The following CHST12 variants were observed in gnomAD, a reference collection of about 807,000 sequenced individuals.
CHST12 encodes carbohydrate sulfotransferase 12.
A neutral mutation model predicts 27.9 loss-of-function variants in CHST12; 23 were observed. The ratio of observed to expected loss-of-function variants is 0.82; its 90% confidence interval spans 0.59 to 1.17. The LOEUF is 1.17. Ranked by LOEUF, CHST12 falls within the 50% of genes most tolerant of loss-of-function variation. The probability of loss-of-function intolerance (pLI) is 0.00; values close to 1 mark genes in which losing one functional copy is unlikely to be tolerated. For synonymous variants in CHST12, 322 were observed against 273.0 expected (o/e 1.18, Z -1.77); for missense variants, 682 against 603.0 (o/e 1.13, Z -1.37).
intron 1 of CHST12, among the ~76,000 whole-genome samples, chr7:2,407,882 C>T (rs1420763456): frequency 2.6e-5 from 4 of 151,970 alleles, no homozygotes; most frequent in Admixed American, 6.6e-5. Flanking sequence ...GAGCCCAGAT[C>T]GTGCCACTGC....
intron 1 of CHST12, among the ~76,000 whole-genome samples, chr7:2,408,362 CAAAAAAAA>C (rs56330622): frequency 8.6e-6 from 1 of 116,688 alleles, no homozygotes; most frequent in African/African-American, 3.5e-5. Context: ...GACTCCGTCT[CAAAAAAAA>C]AAAAAAAAAA....
At chr7:2,414,037 C>T (rs1466816879) in intron 1 of CHST12, among the ~76,000 whole-genome samples, 1 of 152,008 alleles carries the variant, frequency 6.6e-6, no homozygotes, top group Non-Finnish European at 1.5e-5. Flanking sequence ...CCAGTTATCT[C>T]ATTTTAATTT....
At chr7:2,425,454 G>C (rs1782091111) in intron 1 of CHST12, among the ~76,000 whole-genome samples, 2 of 152,162 alleles carry the variant, frequency 1.3e-5, no homozygotes, top group Non-Finnish European at 2.9e-5. Context: ...AAGGGCCTAT[G>C]AGATGGCCCT....
chr7:2,416,358 C>G (rs1781808583), intron 1 of CHST12, among the ~76,000 whole-genome samples: 1 of 152,324 alleles, frequency 6.6e-6, no homozygotes, highest in South Asian at 2.1e-4. Flanking sequence ...TGGAACCAAC[C>G]TCTTCAAACT....
At chr7:2,418,487 C>A (rs1313570454) in intron 1 of CHST12, among the ~76,000 whole-genome samples, 1 of 152,218 alleles carries the variant, frequency 6.6e-6, no homozygotes, top group Non-Finnish European at 1.5e-5. Context: ...ATCTGAGATG[C>A]CTCTGCGTGC....
intron 1 of CHST12, among the ~76,000 whole-genome samples, chr7:2,411,427 A>G (rs1440743938): frequency 2.0e-5 from 3 of 151,096 alleles, no homozygotes; most frequent in Admixed American, 6.6e-5. Context: ...AGGTTCTTAA[A>G]CTGATCATAG....
Position 2,444,153 on chromosome 7 carries a change from G to A in CHST12, c.*10269G>A. 3 of 150,030 alleles carry A rather than the reference G, an allele frequency of 2.0e-5. No individual in the cohort carries two copies. The highest frequency in any genetic ancestry group is 6.6e-5 in the Admixed American group (1 of 15,072). The allele number at this position is 150,030 out of a possible 1,614,324, so 9.3% of individuals were successfully genotyped here. On this transcript the variant is annotated 3_prime_UTR_variant, in exon 2 of 2. Coordinates refer to ENST00000618655, the MANE Select transcript of CHST12 (RefSeq NM_018641.5). ...CAAAAAATTAGCCGGGCGTAGTGGC[G>A]GGCGCCTGTAGTCCCAGCTACTTGG...
At chr7:2,416,835 A>G (rs1781820824) in intron 1 of CHST12, among the ~76,000 whole-genome samples, 1 of 152,182 alleles carries the variant, frequency 6.6e-6, no homozygotes, top group Non-Finnish European at 1.5e-5. Context: ...CAGTGAATCT[A>G]CATTTTACAT....
At chr7:2,404,848 T>A (rs1251677613) in intron 1 of CHST12, among the ~76,000 whole-genome samples, 3 of 152,236 alleles carry the variant, frequency 2.0e-5, no homozygotes, top group Non-Finnish European at 4.4e-5. Flanking sequence ...TGACTCCAGC[T>A]TTATTATCAA....
At chr7:2,403,766 C>G (rs1449448052) in intron 1 of CHST12, 93 bp downstream of exon 1, 1 of 152,530 alleles carries the variant, frequency 6.6e-6, no homozygotes, top group Non-Finnish European at 1.5e-5. Flanking sequence ...GGTCCCGGGC[C>G]GCGCTGAGGG....
intron 1 of CHST12, among the ~76,000 whole-genome samples, chr7:2,419,527 T>G (rs908439417): frequency 1.3e-5 from 2 of 151,026 alleles, no homozygotes; most frequent in Non-Finnish European, 2.9e-5. Context: ...GCCAACATGG[T>G]GAAGCCCCGT....
chr7:2,405,761 TGAG>T (rs926289660), intron 1 of CHST12, among the ~76,000 whole-genome samples: 2 of 152,124 alleles, frequency 1.3e-5, no homozygotes, highest in Non-Finnish European at 2.9e-5. Flanking sequence ...TCACCTGCGA[TGAG>T]GAGCGCTGCG....
At chr7:2,423,956 A>G (rs953022229) in intron 1 of CHST12, among the ~76,000 whole-genome samples, 1 of 152,058 alleles carries the variant, frequency 6.6e-6, no homozygotes, top group Non-Finnish European at 1.5e-5. Flanking sequence ...GGTCCCAGCT[A>G]CTTGGGAAAC....
intron 1 of CHST12, among the ~76,000 whole-genome samples, chr7:2,412,887 G>A (rs376660423): frequency 6.7e-6 from 1 of 148,202 alleles, no homozygotes; most frequent in East Asian, 2.0e-4. Context: ...AAATCAATTT[G>A]CAAATAGACA....
intron 1 of CHST12, among the ~76,000 whole-genome samples, chr7:2,412,220 AGTAATT>A: frequency 6.6e-6 from 1 of 152,342 alleles, no homozygotes; most frequent in East Asian, 1.9e-4. Context: ...ACACAAATGA[AGTAATT>A]GTATAAGCAA....
In CHST12 at chr7:2,447,954, C is replaced by T. The variant is rs1207869283; in HGVS notation, c.*14070C>T. On this transcript the variant is annotated 3_prime_UTR_variant, in exon 2 of 2. Transcript: ENST00000618655. ...TGGTGCGACCTCAGCTCTCAGCTCC[C>T]TGCACCGTCCACCTCCTGGGTTCAA... 2 of 152,204 alleles carry T rather than the reference C, an allele frequency of 1.3e-5. No individual in the cohort carries two copies. Among genetic ancestry groups the T allele is most frequent in the African/African-American group, 4.8e-5 (2 of 41,446 alleles). The allele number at this position is 152,204 out of a possible 1,614,324, so 9.4% of individuals were successfully genotyped here. A position where few individuals can be genotyped will look rare whatever the true frequency, so the allele number is the denominator to read the frequency against.
chr7:2,423,281 TAAAAA>T (rs1490098398), intron 1 of CHST12, among the ~76,000 whole-genome samples: 1 of 150,934 alleles, frequency 6.6e-6, no homozygotes, highest in South Asian at 2.1e-4. Context: ...TCAAAAAAAA[TAAAAA>T]AAAGTAGAAA....
chr7:2,409,608 C>T (rs1312426714), intron 1 of CHST12, among the ~76,000 whole-genome samples: 4 of 135,332 alleles, frequency 3.0e-5, no homozygotes, highest in African/African-American at 1.2e-4. Flanking sequence ...GGTGACAGAG[C>T]AAGATCCTGT....
intron 1 of CHST12, among the ~76,000 whole-genome samples, chr7:2,405,313 T>G (rs7802518): frequency 0.16 from 24,853 of 151,992 alleles, 2,318 homozygotes; most frequent in African/African-American, 0.26. Flanking sequence ...GGCGTGGTGG[T>G]GCACACCTGA....
Sources: allele counts gnomAD v4.1 joint callset (sites outside exome capture counted in the v4.1 genomes callset), GRCh38; gene constraint gnomAD v4.1.1; transcripts MANE v1.5; gene names NCBI Gene and HGNC (gene_info 2026-07-23, HGNC 2026-07-21).